EXOC6B: variants seen among roughly 807,000 people sequenced by gnomAD.
The protein encoded by EXOC6B is exocyst complex component 6B, also known as SEC15 homolog B.
Under a neutral mutation model 113.5 loss-of-function variants are expected in EXOC6B, and 54 were observed. The ratio of observed to expected loss-of-function variants is 0.48; its 90% CI spans 0.38 to 0.60. EXOC6B has a LOEUF of 0.60. Ranked by LOEUF, EXOC6B falls within the 20% of genes least tolerant of loss-of-function variation. EXOC6B has a pLI of 0.00. For missense variants in EXOC6B, 797 were observed against 977.5 expected (o/e 0.82, Z 2.46); for synonymous variants, 357 against 339.0 (o/e 1.05, Z -0.58).
chr2:72,731,075 A>T, intron 4 of EXOC6B, 23 bp from the exon 5 acceptor site: 1 of 1,560,462 alleles, frequency 6.4e-7, no homozygotes, highest in South Asian at 1.2e-5. Flanking sequence ...AAAAGAATAC[A>T]CAAACATGAT....
chr2:72,180,781 G>A (rs1162596837), intron 21 of EXOC6B, among the ~76,000 whole-genome samples: 1 of 152,090 alleles, frequency 6.6e-6, no homozygotes, highest in Non-Finnish European at 1.5e-5. Flanking sequence ...ATTCCCACAG[G>A]GGCATTTATG....
chr2:72,475,227 C>T (rs1698664157), intron 17 of EXOC6B, among the ~76,000 whole-genome samples: 1 of 151,994 alleles, frequency 6.6e-6, no homozygotes, highest in Admixed American at 6.6e-5. Flanking sequence ...AGTTTCCAGA[C>T]AGATTACTTG....
chr2:72,817,950 C>T (rs1459131408), intron 1 of EXOC6B, among the ~76,000 whole-genome samples: 1 of 152,076 alleles, frequency 6.6e-6, no homozygotes, highest in Non-Finnish European at 1.5e-5. Flanking sequence ...GCAGCCAGAA[C>T]ATTCCTTGTT....
At chr2:72,728,402 A>G (rs1680436330) in intron 5 of EXOC6B, among the ~76,000 whole-genome samples, 1 of 152,220 alleles carries the variant, frequency 6.6e-6, no homozygotes, top group Non-Finnish European at 1.5e-5. Context: ...ATGTGAGTCC[A>G]AGGAGACAAG....
At chr2:72,209,532 G>A (rs1462075176) in intron 20 of EXOC6B, among the ~76,000 whole-genome samples, 1 of 151,902 alleles carries the variant, frequency 6.6e-6, no homozygotes, top group African/African-American at 2.4e-5. Context: ...TTTTTTTCAG[G>A]TTTCTAAAGA....
At chr2:72,552,984 A>G (rs1046409412) in intron 8 of EXOC6B, among the ~76,000 whole-genome samples, 20 of 151,996 alleles carry the variant, frequency 1.3e-4, no homozygotes, top group Admixed American at 1.2e-3. Context: ...TTACTGAACA[A>G]CAAAGCAATG....
At chr2:72,719,089 GA>G (rs1237379453) in intron 5 of EXOC6B, among the ~76,000 whole-genome samples, 1 of 152,110 alleles carries the variant, frequency 6.6e-6, no homozygotes, top group Non-Finnish European at 1.5e-5. Context: ...TCAACAGTGG[GA>G]CTCTGTAGCT....
rs1400473218 is a variant in EXOC6B, at chr2:72,301,935, G to A, written c.2196+33012C>T. Among the ~76,000 whole-genome samples the A allele has an allele frequency of 2.0e-5, 3 of 151,980 alleles. No individual in the cohort carries two copies. In the East Asian group the frequency reaches 5.8e-4, roughly 29 times the overall value. ...AGTTCTTTTAGTTGTGATGTTAGGT[G>A]GTTAGTTGAGATCTTTCTAACTTTT... On this transcript the variant is annotated intron_variant, in intron 20 of 21. Transcript: ENST00000272427.
chr2:72,790,298 T>C (rs1286384017), intron 1 of EXOC6B, among the ~76,000 whole-genome samples: 1 of 152,162 alleles, frequency 6.6e-6, no homozygotes, highest in Non-Finnish European at 1.5e-5. Flanking sequence ...AATAGTAATA[T>C]AGAAGCACTA....
intron 6 of EXOC6B, among the ~76,000 whole-genome samples, chr2:72,589,111 A>G (rs1705769133): frequency 6.8e-6 from 1 of 147,060 alleles, no homozygotes; most frequent in East Asian, 2.0e-4. Context: ...CTATTTGTGT[A>G]ATCTTGTGTC....
chr2:72,458,480 A>G (rs1697389683), intron 18 of EXOC6B, among the ~76,000 whole-genome samples: 1 of 152,128 alleles, frequency 6.6e-6, no homozygotes, highest in Non-Finnish European at 1.5e-5. Flanking sequence ...GTGTAGCTTC[A>G]GAAAAGTGTA....
At chr2:72,747,855 C>T (rs1024857348) in intron 1 of EXOC6B, among the ~76,000 whole-genome samples, 7 of 152,030 alleles carry the variant, frequency 4.6e-5, no homozygotes, top group Non-Finnish European at 8.8e-5. Flanking sequence ...TGCTCCTCCT[C>T]GGTGATTATC....
chr2:72,554,146 G>A (rs1036423741), intron 8 of EXOC6B, among the ~76,000 whole-genome samples: 3 of 152,100 alleles, frequency 2.0e-5, no homozygotes, highest in Non-Finnish European at 2.9e-5. Context: ...TAATTAAAGA[G>A]GACTGATAAT....
At position 72,225,069 on chromosome 2, in the gene EXOC6B, C is replaced by T. The variant is rs576464953; in HGVS notation, c.2197-40882G>A. 4.1e-5 allele frequency among the ~76,000 whole-genome samples: 6 copies of T among 146,056 alleles called. No homozygotes were observed. In the South Asian group the frequency reaches 8.6e-4, roughly 21 times the overall value. Reference sequence around the variant, plus strand: ...GTTTCGCCATGTTGTCCAGGTTGGTCTCAAACTCCTGGGCTGAAGTGATGC... The same window carrying T: ...GTTTCGCCATGTTGTCCAGGTTGGTTTCAAACTCCTGGGCTGAAGTGATGC... On this transcript the variant is annotated intron_variant, in intron 20 of 21. Transcript: ENST00000272427.
chr2:72,623,813 C>T (rs1671887142), intron 6 of EXOC6B, among the ~76,000 whole-genome samples: 1 of 152,182 alleles, frequency 6.6e-6, no homozygotes, highest in Non-Finnish European at 1.5e-5. Flanking sequence ...CAAAAAGCAA[C>T]ACAACTTTGA....
rs112486605 is a variant in EXOC6B, at chr2:72,669,163, G to A, written c.669+48940C>T. 5.3e-4 allele frequency among the ~76,000 whole-genome samples: 81 copies of A among 151,924 alleles called. 1 individual carries two copies. Among genetic ancestry groups the A allele is most frequent in the African/African-American group, 1.8e-3 (73 of 41,496 alleles). On this transcript the variant is annotated intron_variant, in intron 6 of 21. Transcript: ENST00000272427. ...AAAAAGAAAGTCACATTCAAATATG[G>A]AAAAATAGTCATAAATCCTGTCAAC... is the stretch of plus-strand genomic sequence containing the variant.
chr2:72,287,436 A>T (rs1685505947), intron 20 of EXOC6B, among the ~76,000 whole-genome samples: 1 of 146,990 alleles, frequency 6.8e-6, no homozygotes, highest in Non-Finnish European at 1.5e-5. Flanking sequence ...ATCTCAAAAA[A>T]AAAAAAATAA....
chr2:72,781,963 A>G (rs1684069253), intron 1 of EXOC6B, among the ~76,000 whole-genome samples: 1 of 151,776 alleles, frequency 6.6e-6, no homozygotes. Flanking sequence ...ACATGGTGAA[A>G]CCCCATCTCT....
At chr2:72,293,852 A>G (rs555819559) in intron 20 of EXOC6B, among the ~76,000 whole-genome samples, 40 of 152,330 alleles carry the variant, frequency 2.6e-4, no homozygotes, top group African/African-American at 8.7e-4. Flanking sequence ...AATGTATTTG[A>G]ATATTTCCTT....
Sources: gnomAD v4.1 joint callset for allele counts (sites outside exome capture counted in the v4.1 genomes callset) on GRCh38, gnomAD v4.1.1 for gene constraint, MANE v1.5 for transcripts, NCBI Gene and HGNC (gene_info 2026-07-23, HGNC 2026-07-21) for gene names.